The following ZNF169 variants were observed in gnomAD, a reference collection of about 807,000 sequenced individuals.
ZNF169 encodes the protein zinc finger protein 169.
ZNF169 carries 11 observed loss-of-function variants against 12.0 expected under a neutral mutation model. That is an observed-to-expected ratio of 0.92 (90% CI 0.58 to 1.52). The LOEUF (loss-of-function observed/expected upper bound fraction) is 1.52, where lower values mean the gene tolerates loss of function less well. Ranked by LOEUF, ZNF169 falls within the 40% of genes most tolerant of loss-of-function variation. ZNF169 has a pLI of 0.00. For missense variants in ZNF169, 722 were observed against 744.0 expected (o/e 0.97, Z 0.34); for synonymous variants, 302 against 286.5 (o/e 1.05, Z -0.55).
intron 1 of ZNF169, among the ~76,000 whole-genome samples, chr9:94,262,802 C>T (rs1564080604): frequency 6.6e-6 from 1 of 152,202 alleles, no homozygotes; most frequent in Non-Finnish European, 1.5e-5. Flanking sequence ...CCCTATCTCT[C>T]TGCTCCCTTT....
chr9:94,300,270 G>A lies in ZNF169; in HGVS notation c.712G>A (p.Glu238Lys), dbSNP rs753819262. The A allele has an allele frequency of 1.2e-6, 2 of 1,614,214 alleles. No homozygotes were observed. Among genetic ancestry groups the A allele is most frequent in the Non-Finnish European group, 1.7e-6 (2 of 1,180,026 alleles). ...FSHQKHHVCPECGRGFCQRSD... is the reference protein window; with the variant it reads ...FSHQKHHVCPKCGRGFCQRSD... ...CCACCAGAAGCATCATGTGTGCCCT[G>A]AATGCGGGAGAGGCTTTTGCCAGAG... The change falls in exon 5 of 5, where the codon GAA (glutamate) becomes AAA (lysine). Residue 238 changes from glutamate (E) to lysine (K), a missense_variant. Transcript: ENST00000395395.
At chr9:94,268,108 G>A (rs1830326812) in intron 1 of ZNF169, among the ~76,000 whole-genome samples, 1 of 151,858 alleles carries the variant, frequency 6.6e-6, no homozygotes, top group African/African-American at 2.4e-5. Flanking sequence ...GACCTCAGGT[G>A]ATCCGCCCAC....
intron 2 of ZNF169, among the ~76,000 whole-genome samples, chr9:94,283,879 AC>A (rs761845135): frequency 6.7e-6 from 1 of 150,302 alleles, no homozygotes; most frequent in African/African-American, 2.5e-5. Flanking sequence ...GACCAGCCTG[AC>A]CAATAGGCTG....
chr9:94,261,403 G>T (rs540166715), intron 1 of ZNF169, among the ~76,000 whole-genome samples: 3 of 152,310 alleles, frequency 2.0e-5, no homozygotes, highest in African/African-American at 7.2e-5. Flanking sequence ...CTCCCAAAGT[G>T]CTGGGATTAC....
chr9:94,278,798 C>T lies in ZNF169; in HGVS notation c.-15C>T. ...TTGACTCTCCTCTAGGAAGAGTACT[C>T]CAGAGAGCAGGGATATGTCACCAGG... On this transcript the variant is annotated 5_prime_UTR_variant, in exon 2 of 5. Transcript: ENST00000395395. 1.2e-6 allele frequency: 2 copies of T among 1,613,630 alleles called. No individual in the cohort carries two copies. Among genetic ancestry groups the T allele is most frequent in the Non-Finnish European group, 1.7e-6 (2 of 1,179,840 alleles).
chr9:94,277,936 AAAAAAAG>A (rs1489454161), intron 1 of ZNF169, among the ~76,000 whole-genome samples: 2 of 148,146 alleles, frequency 1.4e-5, no homozygotes, highest in Non-Finnish European at 3.0e-5. Flanking sequence ...CGACTCAAAA[AAAAAAAG>A]AAAAAAGAAA....
intron 2 of ZNF169, chr9:94,287,832 G>T: frequency 9.1e-7 from 1 of 1,093,478 alleles, no homozygotes; most frequent in Non-Finnish European, 1.4e-6. Flanking sequence ...TCTCAGGCTG[G>T]AGTTGTTCAT....
chr9:94,269,213 C>G (rs1830348071), intron 1 of ZNF169, among the ~76,000 whole-genome samples: 1 of 152,130 alleles, frequency 6.6e-6, no homozygotes, highest in Non-Finnish European at 1.5e-5. Context: ...AGGGGGAGTG[C>G]ACTCAGGCAA....
intron 1 of ZNF169, among the ~76,000 whole-genome samples, chr9:94,277,619 T>C (rs1830547340): frequency 6.6e-6 from 1 of 151,996 alleles, no homozygotes; most frequent in Admixed American, 6.5e-5. Context: ...GCCCCTTAGA[T>C]AGGAATTTTG....
intron 2 of ZNF169, chr9:94,287,944 C>T (rs1052426414): frequency 1.4e-5 from 12 of 848,054 alleles, no homozygotes; most frequent in Middle Eastern, 3.4e-4. Context: ...ACAGCAGTCT[C>T]CAACTTCTTG....
rs201300306 is a variant in ZNF169 at position 94,288,199 on chromosome 9, A to AC, written c.34-4139dup. On this transcript the variant is annotated intron_variant, in intron 2 of 4. Transcript: ENST00000395395. ...CCCAGGTTAATGTGCTCCTACTTGT[A>AC]CCCTGTCTTGATTTTAGCATTTTTT... is the stretch of plus-strand genomic sequence containing the variant. 4,510 of 805,468 alleles carry AC rather than the reference A, an allele frequency of 5.6e-3. 160 individuals carry two copies. The highest frequency in any genetic ancestry group is 0.055 in the Admixed American group (3,156 of 57,258). The allele number at this position is 805,468 out of a possible 1,614,324, so 49.9% of individuals were successfully genotyped here.
intron 1 of ZNF169, among the ~76,000 whole-genome samples, chr9:94,263,667 G>T (rs1830242962): frequency 6.6e-6 from 1 of 151,886 alleles, no homozygotes; most frequent in Non-Finnish European, 1.5e-5. Flanking sequence ...GGGATTACAG[G>T]CATGAGCCAC....
rs35204508 is a variant in ZNF169, at chr9:94,284,071, C to CAAA, written c.33+5246_33+5248dup. Among the ~76,000 whole-genome samples, 7 of 50,410 alleles carry CAAA rather than the reference C, an allele frequency of 1.4e-4. No homozygotes were observed. The East Asian group carries it at 2.9e-3, about 21-fold the overall frequency. The allele number at this position is 50,410 out of a possible 152,430, so 33.1% of individuals were successfully genotyped here. On this transcript the variant is annotated intron_variant, in intron 2 of 4. Transcript: ENST00000395395. ...TGGGCAACAGAGCAAGACTCTGTCT[C>CAAA]AAAAAAAAAAAAAAAAAAAAAAGGA...
intron 2 of ZNF169, among the ~76,000 whole-genome samples, chr9:94,290,384 C>T (rs887478236): frequency 6.6e-6 from 1 of 152,130 alleles, no homozygotes; most frequent in Admixed American, 6.6e-5. Flanking sequence ...AATTGTGTAT[C>T]CATTAAACAA....
intron 1 of ZNF169, among the ~76,000 whole-genome samples, chr9:94,261,382 C>G (rs1830206797): frequency 6.6e-6 from 1 of 152,198 alleles, no homozygotes; most frequent in Admixed American, 6.5e-5. Flanking sequence ...TCCTGATCCA[C>G]CGGCCTCGGC....
chr9:94,289,941 A>G (rs1174480867), intron 2 of ZNF169, among the ~76,000 whole-genome samples: 1 of 152,242 alleles, frequency 6.6e-6, no homozygotes, highest in Non-Finnish European at 1.5e-5. Context: ...CTTAAATGGC[A>G]GACATTCCAA....
chr9:94,297,115 T>G (rs1830969725), intron 4 of ZNF169, among the ~76,000 whole-genome samples: 3 of 152,186 alleles, frequency 2.0e-5, no homozygotes, highest in Admixed American at 2.0e-4. Context: ...TTCGTTATTC[T>G]TTGTTTTTTC....
At chr9:94,278,712 G>A in intron 1 of ZNF169, 46 bp from the exon 2 acceptor site, 1 of 1,106,428 alleles carries the variant, frequency 9.0e-7, no homozygotes, top group Non-Finnish European at 1.4e-6. Flanking sequence ...GAGTGTGAAG[G>A]GTGTTCTTCC....
At chr9:94,279,156 C>A (rs1163330617) in intron 2 of ZNF169, among the ~76,000 whole-genome samples, 1 of 152,072 alleles carries the variant, frequency 6.6e-6, no homozygotes, top group African/African-American at 2.4e-5. Context: ...CTTTGGGAGG[C>A]CGAGGCGGGA....
Sources: allele counts gnomAD v4.1 joint callset (sites outside exome capture counted in the v4.1 genomes callset), GRCh38; gene constraint gnomAD v4.1.1; transcripts MANE v1.5; gene names NCBI Gene and HGNC (gene_info 2026-07-23, HGNC 2026-07-21).